The following GBE1 variants were observed in gnomAD, a reference collection of about 807,000 sequenced individuals.
The protein encoded by GBE1 is 1,4-alpha-glucan branching enzyme 1.
A neutral mutation model predicts 88.8 loss-of-function variants in GBE1; 70 were observed. The observed-to-expected ratio is 0.79, with a 90% CI of 0.65 to 0.96. GBE1 has a LOEUF of 0.96. GBE1 is among the 40% of genes least tolerant of loss of function. The probability of loss-of-function intolerance (pLI) is 0.00; values close to 1 mark genes in which losing one functional copy is unlikely to be tolerated. For missense variants in GBE1, 872 were observed against 871.0 expected (o/e 1.00, Z -0.01); for synonymous variants, 284 against 300.1 (o/e 0.95, Z 0.56).
chr3:81,598,202 G>C (rs1703985001), intron 7 of GBE1, among the ~76,000 whole-genome samples: 1 of 151,830 alleles, frequency 6.6e-6, no homozygotes, highest in Non-Finnish European at 1.5e-5. Context: ...TAATAAATAA[G>C]AGACATTACT....
intron 1 of GBE1, among the ~76,000 whole-genome samples, chr3:81,709,674 C>A (rs1454008458): frequency 3.3e-5 from 5 of 152,052 alleles, no homozygotes; most frequent in Admixed American, 2.6e-4. Flanking sequence ...TCAAACGTCC[C>A]ATTTAGTAAA....
In GBE1 at chr3:81,761,436, G is replaced by T; in HGVS notation, c.82C>A (p.Leu28Met). 1.2e-6 allele frequency: 2 copies of T among 1,613,710 alleles called. No homozygotes were observed. The highest frequency in any genetic ancestry group is 2.2e-5 in the South Asian group (2 of 91,088). Residue 28 changes from leucine to methionine, a missense_variant, in exon 1 of 16, where the codon CTG (leucine) becomes ATG (methionine). Transcript: ENST00000429644. ...LNAALADVPE[L>M]ARLLEIDPYL... ...GGGTCGATCTCCAGGAGTCTGGCCAGTTCGGGCACGTCAGCCAGGGCGGCA... is the reference window on the plus strand; with the variant it reads ...GGGTCGATCTCCAGGAGTCTGGCCATTTCGGGCACGTCAGCCAGGGCGGCA...
At chr3:81,554,949 G>T (rs1447862068) in intron 12 of GBE1, among the ~76,000 whole-genome samples, 1 of 152,122 alleles carries the variant, frequency 6.6e-6, no homozygotes. Flanking sequence ...ATTGCTCCAG[G>T]TTCCTGCCAA....
chr3:81,706,915 T>C (rs990531371), intron 1 of GBE1, among the ~76,000 whole-genome samples: 3 of 151,484 alleles, frequency 2.0e-5, no homozygotes, highest in African/African-American at 7.3e-5. Flanking sequence ...ATTAAATGAA[T>C]AAATAATTGA....
intron 1 of GBE1, among the ~76,000 whole-genome samples, chr3:81,738,097 G>A (rs1706295153): frequency 6.6e-6 from 1 of 151,392 alleles, no homozygotes; most frequent in South Asian, 2.1e-4. Flanking sequence ...ATTTTTTATG[G>A]CTGCATAGTA....
intron 1 of GBE1, 49 bp from the exon 2 acceptor site, chr3:81,705,662 T>A: frequency 7.7e-7 from 1 of 1,295,194 alleles, no homozygotes; most frequent in Non-Finnish European, 1.0e-6. Context: ...AATAGTCTTC[T>A]AGAAAAGCTA....
intron 12 of GBE1, among the ~76,000 whole-genome samples, chr3:81,542,283 T>A (rs1375792382): frequency 6.6e-6 from 1 of 152,248 alleles, no homozygotes; most frequent in East Asian, 1.9e-4. Context: ...AAGTTGGTAA[T>A]TTTGACTTTT....
intron 12 of GBE1, among the ~76,000 whole-genome samples, chr3:81,561,753 C>T: frequency 6.6e-6 from 1 of 152,040 alleles, no homozygotes; most frequent in Non-Finnish European, 1.5e-5. Context: ...CAAAAGCCCT[C>T]TACGACCTGG....
intron 3 of GBE1, among the ~76,000 whole-genome samples, chr3:81,662,805 G>A (rs1395882337): frequency 6.6e-6 from 1 of 151,882 alleles, no homozygotes; most frequent in Non-Finnish European, 1.5e-5. Context: ...CAGTCAAACT[G>A]CCTTTCTGCT....
rs539816968 is a variant in GBE1, at chr3:81,722,786, C to T, written c.144-17173G>A. On this transcript the variant is annotated intron_variant, in intron 1 of 15. Transcript: ENST00000429644. ...GAGACCCTTCAAGGCTTCGATGGCT[C>T]TGTCTATATTCAGTTTTCCCACCCC... Among the ~76,000 whole-genome samples the T allele has an allele frequency of 2.6e-5, 4 of 151,338 alleles. No individual in the cohort carries two copies. In the South Asian group the frequency reaches 6.2e-4, roughly 24 times the overall value.
At chr3:81,654,790 C>T (rs1235275595) in intron 3 of GBE1, 1 of 152,082 alleles carries the variant, frequency 6.6e-6, no homozygotes, top group Non-Finnish European at 1.5e-5. Context: ...TTTTATTTCA[C>T]TTTTAAAATT....
chr3:81,665,515 GAC>G (rs1705102568), intron 3 of GBE1, among the ~76,000 whole-genome samples: 1 of 144,966 alleles, frequency 6.9e-6, no homozygotes, highest in South Asian at 2.2e-4. Context: ...CAGCCTGGGG[GAC>G]ACAGCGAGAC....
intron 14 of GBE1, among the ~76,000 whole-genome samples, chr3:81,505,234 A>G (rs751901990): frequency 2.0e-5 from 3 of 152,226 alleles, no homozygotes; most frequent in Non-Finnish European, 2.9e-5. Context: ...CATGATTAAA[A>G]TAATGCCCAG....
chr3:81,614,760 G>A (rs1289208425), intron 7 of GBE1, among the ~76,000 whole-genome samples: 1 of 152,204 alleles, frequency 6.6e-6, no homozygotes, highest in African/African-American at 2.4e-5. Context: ...TCAGGAGGCT[G>A]AGGCAGGAGA....
At chr3:81,503,055 C>T (rs35732318) in intron 14 of GBE1, among the ~76,000 whole-genome samples, 4,925 of 152,228 alleles carry the variant, frequency 0.032, 112 homozygotes, top group South Asian at 0.055. Flanking sequence ...AGAATGACAA[C>T]ACTGACTTAC....
chr3:81,529,710 G>T (rs934053472), intron 14 of GBE1, among the ~76,000 whole-genome samples: 1 of 151,900 alleles, frequency 6.6e-6, no homozygotes, highest in Non-Finnish European at 1.5e-5. Context: ...TATGTTATTT[G>T]TTTATTTTCT....
intron 1 of GBE1, among the ~76,000 whole-genome samples, chr3:81,729,115 A>G (rs1012734136): frequency 6.6e-6 from 1 of 152,186 alleles, no homozygotes; most frequent in Non-Finnish European, 1.5e-5. Flanking sequence ...CTGTTCTATC[A>G]AACAAACCCT....
chr3:81,642,802 C>T lies in GBE1; in HGVS notation c.971G>A (p.Ser324Asn), dbSNP rs764115648. The T allele has an allele frequency of 6.2e-7, 1 of 1,610,944 alleles. No individual in the cohort carries two copies. Among genetic ancestry groups the T allele is most frequent in the South Asian group, 1.1e-5 (1 of 91,020 alleles). Residue 324 changes from serine to asparagine, a missense_variant, in exon 7 of 16, where the codon AGC (serine) becomes AAC (asparagine). Transcript: ENST00000429644. Reference protein sequence around the residue: ...GPRGTHDLWDSRLFAYSSWEI... With the variant: ...GPRGTHDLWDNRLFAYSSWEI... ...CTACCTGGAGTAGGCAAACAATCTG[C>T]TATCCCAAAGATCATGAGTCCCTCT... is the stretch of plus-strand genomic sequence containing the variant.
intron 12 of GBE1, among the ~76,000 whole-genome samples, chr3:81,548,772 C>G (rs1015343925): frequency 1.3e-5 from 2 of 150,594 alleles, no homozygotes; most frequent in Non-Finnish European, 3.0e-5. Flanking sequence ...TCATGGAGAG[C>G]TGAAATGTTT....
Sources: gnomAD v4.1 joint callset for allele counts (sites outside exome capture counted in the v4.1 genomes callset) on GRCh38, gnomAD v4.1.1 for gene constraint, MANE v1.5 for transcripts, NCBI Gene and HGNC (gene_info 2026-07-23, HGNC 2026-07-21) for gene names.